The following MAN1C1 variants were observed in gnomAD, a reference collection of about 807,000 sequenced individuals.
MAN1C1 encodes mannosidase alpha class 1C member 1, also known as mannosyl-oligosaccharide 1,2-alpha-mannosidase IC.
A neutral mutation model predicts 71.5 loss-of-function variants in MAN1C1; 49 were observed. The observed-to-expected ratio is 0.69, with a 90% CI of 0.54 to 0.87. The LOEUF is 0.87. Among genes scored for constraint, MAN1C1 ranks in the 40% least tolerant of loss-of-function variants. MAN1C1 has a pLI of 0.00. For synonymous variants in MAN1C1, 352 were observed against 343.7 expected (o/e 1.02, Z -0.27); for missense variants, 743 against 835.0 (o/e 0.89, Z 1.36).
At chr1:25,638,540 A>C (rs984222516) in intron 1 of MAN1C1, among the ~76,000 whole-genome samples, 1 of 152,202 alleles carries the variant, frequency 6.6e-6, no homozygotes, top group Non-Finnish European at 1.5e-5. Flanking sequence ...AGCATGAAAA[A>C]TCCTTCTTAA....
intron 1 of MAN1C1, among the ~76,000 whole-genome samples, chr1:25,657,903 G>T (rs1254499521): frequency 6.6e-6 from 1 of 152,240 alleles, no homozygotes; most frequent in East Asian, 1.9e-4. Context: ...GGCTGAGCCT[G>T]TGTGTGGATG....
chr1:25,717,639 A>G (rs1267221), intron 2 of MAN1C1, among the ~76,000 whole-genome samples: 33,457 of 149,328 alleles, frequency 0.22, 6,017 homozygotes, highest in African/African-American at 0.5. Context: ...GCAGTGGCGC[A>G]ATCTCGGCTC....
chr1:25,651,400 C>T (rs764428771), intron 1 of MAN1C1, among the ~76,000 whole-genome samples: 16 of 152,160 alleles, frequency 1.1e-4, no homozygotes, highest in Admixed American at 3.3e-4. Flanking sequence ...TTGTTGCTGG[C>T]GCCTGGGCTG....
intron 5 of MAN1C1, among the ~76,000 whole-genome samples, chr1:25,756,417 G>T (rs1379049937): frequency 6.6e-6 from 1 of 152,196 alleles, no homozygotes; most frequent in Non-Finnish European, 1.5e-5. Context: ...CACTTGGGAG[G>T]GTGAGCATGT....
chr1:25,689,838 C>A (rs2046282753), intron 2 of MAN1C1, among the ~76,000 whole-genome samples: 1 of 152,214 alleles, frequency 6.6e-6, no homozygotes. Flanking sequence ...AGACCCTGAG[C>A]AGCGCCCCGC....
rs1023961733 is a variant in MAN1C1, at chr1:25,617,684, A to T, written c.-114A>T. 3.8e-4 allele frequency: 372 copies of T among 979,022 alleles called. 2 individuals carry two copies. Among genetic ancestry groups the T allele is most frequent in the Non-Finnish European group, 5.2e-4 (361 of 688,956 alleles). The allele number at this position is 979,022 out of a possible 1,614,324, so 60.6% of individuals were successfully genotyped here. A position where few individuals can be genotyped will look rare whatever the true frequency, so the allele number is the denominator to read the frequency against. ...AGCGGCGAAACTCTCAGGGTTGGCA[A>T]CCCTGCCCAGGGACCCCCATCCCGG... On this transcript the variant is annotated 5_prime_UTR_variant, in exon 1 of 12. Transcript: ENST00000374332. The surrounding 1 kb of genome is among the most constrained non-coding windows in gnomAD (Gnocchi z 5.1).
chr1:25,702,337 G>A (rs1484683458), intron 2 of MAN1C1, among the ~76,000 whole-genome samples: 7 of 152,150 alleles, frequency 4.6e-5, no homozygotes, highest in Admixed American at 2.6e-4. Context: ...CATGAAACTC[G>A]CCCAGATCCA....
intron 1 of MAN1C1, among the ~76,000 whole-genome samples, chr1:25,652,540 G>A (rs1427890071): frequency 6.6e-6 from 1 of 152,220 alleles, no homozygotes; most frequent in Non-Finnish European, 1.5e-5. Flanking sequence ...TGGCTGGTTA[G>A]CAAAGACCAG....
At chr1:25,627,830 C>G (rs2045321064) in intron 1 of MAN1C1, among the ~76,000 whole-genome samples, 1 of 150,768 alleles carries the variant, frequency 6.6e-6, no homozygotes, top group Non-Finnish European at 1.5e-5. Flanking sequence ...CCCAGGAGTT[C>G]CAGACCAGCC....
In MAN1C1 at chr1:25,758,606, G is replaced by A; in HGVS notation, c.944G>A (p.Trp315Ter). The change falls in exon 6 of 12, where the codon TGG becomes TAG. Residue 315 changes from tryptophan to a stop codon, truncating the protein, a stop_gained. Transcript: ENST00000374332. LOFTEE classifies it high-confidence loss of function. ...TGTCTTTTCAGTGGGAACTGGGGCTGGGCCACAGCCGGCAGCAGCAGCATC... is the reference window on the plus strand; with the variant it reads ...TGTCTTTTCAGTGGGAACTGGGGCTAGGCCACAGCCGGCAGCAGCAGCATC... ...VVSFKSGNWGWATAGSSSILA... is the reference protein window; with the variant it reads ...VVSFKSGNWG 6.2e-7 allele frequency: 1 copy of A among 1,614,166 alleles called. No homozygotes were observed. The highest frequency in any genetic ancestry group is 2.2e-5 in the East Asian group (1 of 44,884).
intron 1 of MAN1C1, among the ~76,000 whole-genome samples, chr1:25,651,124 C>G (rs559069029): frequency 6.6e-6 from 1 of 152,166 alleles, no homozygotes; most frequent in Non-Finnish European, 1.5e-5. Flanking sequence ...AACAGGTGTT[C>G]TGGAAATCAG....
At chr1:25,763,804 C>T in intron 6 of MAN1C1, 70 bp from the exon 7 acceptor site, 3 of 1,284,062 alleles carry the variant, frequency 2.3e-6, no homozygotes, top group Non-Finnish European at 3.4e-6. Context: ...TGCCTCCCAT[C>T]CTCAGCAGGC....
chr1:25,725,523 A>G lies in MAN1C1; in HGVS notation c.638-21145A>G, dbSNP rs1291491114. Among the ~76,000 whole-genome samples the G allele has an allele frequency of 1.3e-5, 2 of 152,158 alleles. No homozygotes were observed. The highest frequency in any genetic ancestry group is 4.8e-5 in the African/African-American group (2 of 41,438). On this transcript the variant is annotated intron_variant, in intron 2 of 11. Transcript: ENST00000374332. This position sits in a 1 kb window ranked among gnomAD's most constrained non-coding sequence, Gnocchi z 4.8. Reference sequence around the variant, plus strand: ...CAGGTGAGGAGGGCATTCTAGGTAAAGGGCACAGCACGTGCAAGGGCATGG... The same window carrying G: ...CAGGTGAGGAGGGCATTCTAGGTAAGGGGCACAGCACGTGCAAGGGCATGG...
chr1:25,767,456 A>C, intron 7 of MAN1C1, among the ~76,000 whole-genome samples: 1 of 84,798 alleles, frequency 1.2e-5, no homozygotes, highest in African/African-American at 4.7e-5. Flanking sequence ...CACCATACAC[A>C]CAGACCCACA....
At chr1:25,648,144 G>A (rs532819427) in intron 1 of MAN1C1, among the ~76,000 whole-genome samples, 24 of 152,336 alleles carry the variant, frequency 1.6e-4, no homozygotes, top group Admixed American at 1.1e-3. Flanking sequence ...AGCAGCATTA[G>A]GGTTTAGCAG....
At chr1:25,637,012 G>A (rs889581429) in intron 1 of MAN1C1, among the ~76,000 whole-genome samples, 20 of 152,094 alleles carry the variant, frequency 1.3e-4, no homozygotes, top group South Asian at 4.2e-4. Flanking sequence ...AAAATTTGCC[G>A]GGCATGGTGG....
intron 5 of MAN1C1, among the ~76,000 whole-genome samples, chr1:25,757,646 G>A (rs889888938): frequency 1.3e-5 from 2 of 152,204 alleles, no homozygotes; most frequent in Non-Finnish European, 2.9e-5. Flanking sequence ...CAGGCACGGA[G>A]GCATGCGAGG....
chr1:25,635,503 G>A (rs1268227441), intron 1 of MAN1C1, among the ~76,000 whole-genome samples: 2 of 149,338 alleles, frequency 1.3e-5, no homozygotes, highest in Non-Finnish European at 3.0e-5. Context: ...AGGCTGGAGT[G>A]CAATGGTGCG....
At chr1:25,679,818 TAA>T (rs1428402909) in intron 1 of MAN1C1, among the ~76,000 whole-genome samples, 1 of 151,340 alleles carries the variant, frequency 6.6e-6, no homozygotes, top group Non-Finnish European at 1.5e-5. Flanking sequence ...CCTCTACCCT[TAA>T]ATACTTCATT....
Sources: allele counts gnomAD v4.1 joint callset (sites outside exome capture counted in the v4.1 genomes callset), GRCh38; gene constraint gnomAD v4.1.1; non-coding constraint Gnocchi (gnomAD v3.1); transcripts MANE v1.5; gene names NCBI Gene and HGNC (gene_info 2026-07-23, HGNC 2026-07-21).